SAMD3: variants seen among roughly 807,000 people sequenced by gnomAD.
The protein encoded by SAMD3 is sterile alpha motif domain containing 3.
SAMD3 carries 63 observed loss-of-function variants against 58.5 expected under a neutral mutation model. The ratio of observed to expected loss-of-function variants is 1.08; its 90% confidence interval spans 0.88 to 1.33. The LOEUF (loss-of-function observed/expected upper bound fraction) is 1.33, where lower values mean the gene tolerates loss of function less well. SAMD3 is among the 40% of genes most tolerant of loss of function. SAMD3 has a pLI of 0.00. For synonymous variants in SAMD3, 220 were observed against 210.3 expected (o/e 1.05, Z -0.40); for missense variants, 604 against 608.4 (o/e 0.99, Z 0.08).
intron 2 of SAMD3, among the ~76,000 whole-genome samples, chr6:130,242,020 A>G (rs1462665352): frequency 6.6e-6 from 1 of 152,198 alleles, no homozygotes; most frequent in Non-Finnish European, 1.5e-5. Context: ...AGCTCTGAAA[A>G]TATGGCAGGA....
At chr6:130,194,631 G>A (rs1408646358) in intron 5 of SAMD3, among the ~76,000 whole-genome samples, 2 of 152,178 alleles carry the variant, frequency 1.3e-5, no homozygotes, top group Non-Finnish European at 2.9e-5. Context: ...CCAGAAATCT[G>A]GCCACTGGGC....
intron 1 of SAMD3, among the ~76,000 whole-genome samples, chr6:130,220,902 G>A (rs1796192380): frequency 6.6e-6 from 1 of 151,878 alleles, no homozygotes; most frequent in Admixed American, 6.6e-5. Context: ...TGCCCAGGCT[G>A]GAGTGCAGTG....
chr6:130,256,199 G>A (rs1021640283), intron 2 of SAMD3, among the ~76,000 whole-genome samples: 4 of 151,806 alleles, frequency 2.6e-5, no homozygotes, highest in African/African-American at 9.7e-5. Context: ...TGATTTCATT[G>A]ATGAGCTGCT....
upstream of SAMD3, among the ~76,000 whole-genome samples, chr6:130,226,815 C>T (rs900230804): frequency 2.6e-5 from 4 of 151,090 alleles, no homozygotes; most frequent in South Asian, 2.1e-4. Flanking sequence ...GCGATAAGAG[C>T]GAAACTCTGT....
In SAMD3 at chr6:130,215,769, T is replaced by A. The variant is rs114691348; in HGVS notation, c.-21-475A>T. On this transcript the variant is annotated intron_variant, in intron 2 of 11. Coordinates refer to ENST00000439090, the MANE Select transcript of SAMD3 (RefSeq NM_001017373.4). ...AGCCTGACAGAGATACTTAGTAAAC[T>A]GGTTAACCCCTTAGTAGACTGGTTA... The A allele has an allele frequency of 3.8e-3, 5,802 of 1,515,894 alleles. 184 individuals are homozygous for A. The African/African-American group carries it at 0.07, about 18-fold the overall frequency. 93.9% of individuals were successfully genotyped at this position (1,515,894 alleles called of 1,614,324 possible).
At chr6:130,349,398 T>C (rs1447439870) in intron 1 of SAMD3, among the ~76,000 whole-genome samples, 1 of 152,098 alleles carries the variant, frequency 6.6e-6, no homozygotes, top group African/African-American at 2.4e-5. Context: ...AAAGGGGATA[T>C]CACCACCAAT....
intron 1 of SAMD3, among the ~76,000 whole-genome samples, chr6:130,326,437 CT>C (rs1776764890): frequency 1.4e-5 from 2 of 137,944 alleles, no homozygotes; most frequent in Non-Finnish European, 3.0e-5. Flanking sequence ...TTTTTAGTAA[CT>C]TTTTTCTGAA....
At chr6:130,170,036 T>C (rs1202114178) in intron 8 of SAMD3, among the ~76,000 whole-genome samples, 2 of 152,198 alleles carry the variant, frequency 1.3e-5, no homozygotes, top group East Asian at 3.8e-4. Context: ...ACAAAGTGAT[T>C]TTTATTTTAT....
At chr6:130,154,383 T>G (rs1195115105) in intron 9 of SAMD3, among the ~76,000 whole-genome samples, 1 of 151,940 alleles carries the variant, frequency 6.6e-6, no homozygotes, top group Non-Finnish European at 1.5e-5. Flanking sequence ...TGTCTTGCTA[T>G]GTTGTCCTGT....
chr6:130,336,650 C>T (rs1472558497), intron 1 of SAMD3, among the ~76,000 whole-genome samples: 4 of 152,162 alleles, frequency 2.6e-5, no homozygotes, highest in South Asian at 2.1e-4. Flanking sequence ...TATGTTGTGG[C>T]TTAATGCCTG....
Position 130,146,009 on chromosome 6 carries a change from C to CCTTAGGTTTACTAACCTA in SAMD3, c.1195_1195+1insTAGGTTAGTAAACCTAAG (p.Tyr399delinsLeuGlyTer). ...CACACCACTCCATAAGGTTTACTAACATTTCAACATGTCTTCATCTGTGTA... is the reference window on the plus strand; with the variant it reads ...CACACCACTCCATAAGGTTTACTAACCTTAGGTTTACTAACCTAATTTCAACATGTCTTCATCTGTGTA... On this transcript the variant is annotated stop_gained and protein_altering_variant and splice_region_variant. Coordinates refer to ENST00000439090, the MANE Select transcript of SAMD3 (RefSeq NM_001017373.4). LOFTEE classifies it high-confidence loss of function. The CCTTAGGTTTACTAACCTA allele has an allele frequency of 6.7e-7, 1 of 1,493,738 alleles. No homozygotes were observed. Among genetic ancestry groups the CCTTAGGTTTACTAACCTA allele is most frequent in the Non-Finnish European group, 8.9e-7 (1 of 1,121,036 alleles). 92.5% of individuals were successfully genotyped at this position (1,493,738 alleles called of 1,614,324 possible).
chr6:130,230,345 T>G (rs994191647), intron 2 of SAMD3, among the ~76,000 whole-genome samples: 1 of 152,188 alleles, frequency 6.6e-6, no homozygotes, highest in Non-Finnish European at 1.5e-5. Context: ...GGTGGTCCAC[T>G]GTCCTTAAAA....
rs56795907 is a variant in SAMD3, at chr6:130,344,825, CAAAAAAAAAA to C, written c.-304+20285_-304+20294del. ...AAGGAAGCAGAAAGAACAACAACAG[CAAAAAAAAAA>C]AAAAAAAAAAAAAAAAAAGAGAAAG... On this transcript the variant is annotated intron_variant, in intron 1 of 13. Coordinates refer to the SAMD3 transcript ENST00000368134. Among the ~76,000 whole-genome samples the C allele has an allele frequency of 8.3e-4, 34 of 41,102 alleles. 1 individual carries two copies. The South Asian group carries it at 0.03, about 36-fold the overall frequency. The allele number at this position is 41,102 out of a possible 152,430, so 27.0% of individuals were successfully genotyped here. A position where few individuals can be genotyped will look rare whatever the true frequency, so the allele number is the denominator to read the frequency against.
chr6:130,240,073 C>A (rs1261886266), intron 2 of SAMD3, among the ~76,000 whole-genome samples: 2 of 152,186 alleles, frequency 1.3e-5, no homozygotes. Context: ...TCCTGGAATG[C>A]AAACCCATGC....
At chr6:130,343,231 CCT>C (rs1269355339) in intron 1 of SAMD3, among the ~76,000 whole-genome samples, 1 of 151,688 alleles carries the variant, frequency 6.6e-6, no homozygotes, top group Admixed American at 6.6e-5. Flanking sequence ...CCTGAGGTCC[CCT>C]GAGTCAACTC....
intron 1 of SAMD3, among the ~76,000 whole-genome samples, chr6:130,363,504 A>C (rs1333526646): frequency 1.3e-5 from 2 of 152,114 alleles, no homozygotes; most frequent in Non-Finnish European, 2.9e-5. Flanking sequence ...TTTTTTGATG[A>C]TGTTAATTGC....
chr6:130,282,992 G>T (rs1775032738), intron 2 of SAMD3, among the ~76,000 whole-genome samples: 1 of 152,012 alleles, frequency 6.6e-6, no homozygotes, highest in Admixed American at 6.6e-5. Flanking sequence ...CTAGGGCACT[G>T]GTCGAGATTA....
intron 2 of SAMD3, among the ~76,000 whole-genome samples, chr6:130,268,162 G>C (rs1194099598): frequency 1.3e-5 from 2 of 152,134 alleles, no homozygotes; most frequent in African/African-American, 4.8e-5. Flanking sequence ...CTAGGCTGCT[G>C]TGTGTGTTTG....
At chr6:130,346,266 G>A (rs1275779792) in intron 1 of SAMD3, among the ~76,000 whole-genome samples, 1 of 152,230 alleles carries the variant, frequency 6.6e-6, no homozygotes, top group Admixed American at 6.5e-5. Context: ...GCTGAAGCAG[G>A]GTGAGGGATC....
Sources: gnomAD v4.1 joint callset for allele counts (sites outside exome capture counted in the v4.1 genomes callset) on GRCh38, gnomAD v4.1.1 for gene constraint, MANE v1.5 for transcripts, NCBI Gene and HGNC (gene_info 2026-07-23, HGNC 2026-07-21) for gene names.